Variants in DRC11L observed in about 807,000 individuals in gnomAD.
The protein encoded by DRC11L is dynein regulatory complex subunit like-11.
At chr7:151,203,572 G>T in the DRC11L span, 6,494 of 398,392 alleles carry the variant, frequency 0.016, 78 homozygotes, top group South Asian at 0.038. Context: ...CCATCTGGCC[G>T]ATCCGTTACC....
the DRC11L span, chr7:151,197,028 A>T: frequency 2.5e-6 from 1 of 399,646 alleles, no homozygotes; most frequent in Non-Finnish European, 4.4e-6. Context: ...TTGGATGGCA[A>T]CACTTGCAAC....
the DRC11L span, among the ~76,000 whole-genome samples, chr7:151,205,051 G>A: frequency 6.6e-6 from 1 of 152,342 alleles, no homozygotes; most frequent in Admixed American, 6.5e-5. Context: ...CTCCGCTGTA[G>A]GATTAGCAGA....
At chr7:151,192,936 C>A in the DRC11L span, 82 of 398,446 alleles carry the variant, frequency 2.1e-4, no homozygotes, top group African/African-American at 1.4e-3. Flanking sequence ...CAGGGGCTGA[C>A]CTTGGAGCCC....
chr7:151,196,702 C>T, the DRC11L span: 1 of 398,016 alleles, frequency 2.5e-6, no homozygotes, highest in African/African-American at 2.1e-5. Flanking sequence ...GGCTGGTTGC[C>T]TTGTCCCCAC....
chr7:151,204,713 C>T, the DRC11L span: 2 of 398,900 alleles, frequency 5.0e-6, no homozygotes, highest in East Asian at 3.6e-5. Flanking sequence ...GCAGGTAGAG[C>T]GATGCGAGCC....
chr7:151,196,891 G>A, the DRC11L span: 10 of 398,852 alleles, frequency 2.5e-5, no homozygotes, highest in African/African-American at 6.2e-5. Context: ...TTCATGGTCC[G>A]TGTGCAGACA....
At chr7:151,192,083 G>A in the DRC11L span, among the ~76,000 whole-genome samples, 2 of 152,212 alleles carry the variant, frequency 1.3e-5, no homozygotes, top group African/African-American at 4.8e-5. Context: ...AGGAATTAGA[G>A]CCTCGGAGGA....
At chr7:151,204,601 G>C in the DRC11L span, 1 of 399,056 alleles carries the variant, frequency 2.5e-6, no homozygotes, top group Non-Finnish European at 4.4e-6. Context: ...TCCAGCACGC[G>C]GCCCGCCACG....
At chr7:151,203,571 C>T in the DRC11L span, 78 of 398,406 alleles carry the variant, frequency 2.0e-4, no homozygotes, top group Non-Finnish European at 2.7e-4. Context: ...GCCATCTGGC[C>T]GATCCGTTAC....
chr7:151,193,366 G>T, the DRC11L span: 1 of 399,646 alleles, frequency 2.5e-6, no homozygotes, highest in Non-Finnish European at 4.4e-6. Flanking sequence ...CCGGCGACAG[G>T]TCGAACAGGT....
the DRC11L span, chr7:151,191,666 A>G: frequency 2.5e-6 from 1 of 399,066 alleles, no homozygotes; most frequent in East Asian, 3.6e-5. Flanking sequence ...CTCCCTGTAC[A>G]CTGGATCCAG....
At chr7:151,192,308 A>G in the DRC11L span, 1 of 398,966 alleles carries the variant, frequency 2.5e-6, no homozygotes, top group Non-Finnish European at 4.4e-6. Flanking sequence ...CCGGGGCATG[A>G]AGAGGATCCG....
At chr7:151,192,174 G>A in the DRC11L span, 6 of 398,276 alleles carry the variant, frequency 1.5e-5, no homozygotes, top group East Asian at 2.1e-4. Context: ...CCTTCCAGAA[G>A]ACCGGGCTGT....
the DRC11L span, chr7:151,194,142 G>A: frequency 6.1e-5 from 24 of 390,612 alleles, no homozygotes; most frequent in Non-Finnish European, 1.1e-4. Context: ...GAGGACCTGG[G>A]GCTTGGAGGC....
chr7:151,193,582 A>G, the DRC11L span: 2 of 398,784 alleles, frequency 5.0e-6, no homozygotes, highest in Admixed American at 8.8e-5. Context: ...CCAAGGGCCT[A>G]GGGCTGGGGG....
At chr7:151,195,428 A>G in the DRC11L span, 1 of 399,168 alleles carries the variant, frequency 2.5e-6, no homozygotes, top group Non-Finnish European at 4.4e-6. Context: ...GGGTCCTGCT[A>G]CCTGTCTGAG....
At chr7:151,194,207 A>C in the DRC11L span, 1 of 398,412 alleles carries the variant, frequency 2.5e-6, no homozygotes, top group Non-Finnish European at 4.4e-6. Flanking sequence ...CCCTCACCCC[A>C]AGGGCTGCCT....
the DRC11L span, chr7:151,195,357 C>T: frequency 3.3e-5 from 13 of 398,876 alleles, no homozygotes; most frequent in South Asian, 2.5e-4. Flanking sequence ...CCAGGACCTG[C>T]AGTCAGGTCC....
At chr7:151,194,464 G>C in the DRC11L span, 1 of 399,042 alleles carries the variant, frequency 2.5e-6, no homozygotes, top group East Asian at 3.6e-5. Context: ...GGGTAGGGGA[G>C]CCTTGGCACC....
Sources: allele counts gnomAD v4.1 joint callset (sites outside exome capture counted in the v4.1 genomes callset), GRCh38; gene constraint gnomAD v4.1.1; transcripts MANE v1.5; gene names NCBI Gene and HGNC (gene_info 2026-07-23, HGNC 2026-07-21).